The following DHRS7B variants were observed in gnomAD, a reference collection of about 807,000 sequenced individuals.
DHRS7B encodes dehydrogenase/reductase 7B.
In DHRS7B, 24 loss-of-function variants were observed where a neutral mutation model predicts 26.4. The ratio of observed to expected loss-of-function variants is 0.91; its 90% CI spans 0.66 to 1.28. DHRS7B has a LOEUF of 1.28. Ranked by LOEUF, DHRS7B falls within the 50% of genes most tolerant of loss-of-function variation. The probability of loss-of-function intolerance (pLI) is 0.00; values close to 1 mark genes in which losing one functional copy is unlikely to be tolerated. For synonymous variants in DHRS7B, 142 were observed against 166.4 expected (o/e 0.85, Z 1.13); for missense variants, 368 against 419.4 (o/e 0.88, Z 1.07).
At chr17:21,170,029 T>C (rs1304620774) in intron 1 of DHRS7B, among the ~76,000 whole-genome samples, 1 of 152,142 alleles carries the variant, frequency 6.6e-6, no homozygotes, top group African/African-American at 2.4e-5. Flanking sequence ...GGTTGAACTC[T>C]TCCCAAGCCC....
chr17:21,173,744 A>G (rs900138314), intron 2 of DHRS7B, among the ~76,000 whole-genome samples: 2 of 152,234 alleles, frequency 1.3e-5, no homozygotes, highest in African/African-American at 4.8e-5. Flanking sequence ...TGCCATCGTC[A>G]GTCCTCTGAC....
chr17:21,127,223 G>A, intron 1 of DHRS7B: 1 of 500,628 alleles, frequency 2.0e-6, no homozygotes, highest in Non-Finnish European at 3.5e-6. Context: ...CCCGCCTGTC[G>A]CCGAGGTGTC....
At chr17:21,171,765 C>A in intron 1 of DHRS7B, 1 of 606,318 alleles carries the variant, frequency 1.6e-6, no homozygotes. Flanking sequence ...ATGGCAATCT[C>A]CGCTTGTTCC....
At position 21,179,165 on chromosome 17, in the gene DHRS7B, T is replaced by C. The variant is rs28793662; in HGVS notation, c.309+823T>C. Among the ~76,000 whole-genome samples the C allele has an allele frequency of 6.7e-3, 1,013 of 152,278 alleles. 12 individuals carry two copies. The highest frequency in any genetic ancestry group is 0.022 in the African/African-American group (901 of 41,560). ...ACACGGTCTCACTATGTTGCCCAGA[T>C]TGGTCTTGGACTTGTGGCCTCAAGT... is the stretch of plus-strand genomic sequence containing the variant. On this transcript the variant is annotated intron_variant, in intron 3 of 6. Transcript: ENST00000395511.
chr17:21,141,464 A>G (rs368628299), intron 1 of DHRS7B, among the ~76,000 whole-genome samples: 1 of 151,978 alleles, frequency 6.6e-6, no homozygotes, highest in Admixed American at 6.6e-5. Flanking sequence ...AAACACACAC[A>G]CAAAACAGCA....
Position 21,127,023 on chromosome 17 carries a change from T to G in DHRS7B, c.20+32T>G, listed in dbSNP as rs988926049. The G allele has an allele frequency of 2.0e-6, 3 of 1,511,558 alleles. No homozygotes were observed. The African/African-American group carries it at 4.3e-5, about 22-fold the overall frequency. 93.6% of individuals were successfully genotyped at this position (1,511,558 alleles called of 1,614,324 possible). A position where few individuals can be genotyped will look rare whatever the true frequency, so the allele number is the denominator to read the frequency against. ...GCTGGGGAAGAAGGAACCTCCGAGA[T>G]GAGGCGATAGGGTCTGGCCTTGAGC... On this transcript the variant is annotated intron_variant, in intron 1 of 6. Coordinates refer to ENST00000395511, the MANE Select transcript of DHRS7B (RefSeq NM_015510.5).
At chr17:21,141,544 C>T (rs1301805888) in intron 1 of DHRS7B, among the ~76,000 whole-genome samples, 1 of 135,380 alleles carries the variant, frequency 7.4e-6, no homozygotes, top group African/African-American at 2.7e-5. Flanking sequence ...TAACTTTAAC[C>T]AAGACAAACC....
At chr17:21,190,506 A>T (rs1301256002) in intron 6 of DHRS7B, among the ~76,000 whole-genome samples, 3 of 152,110 alleles carry the variant, frequency 2.0e-5, no homozygotes, top group Non-Finnish European at 2.9e-5. Flanking sequence ...AAGATAAATG[A>T]GGTGGCACAA....
intron 2 of DHRS7B, among the ~76,000 whole-genome samples, chr17:21,175,338 G>A (rs889990670): frequency 8.5e-5 from 13 of 152,324 alleles, no homozygotes; most frequent in African/African-American, 2.9e-4. Context: ...AGTACACACC[G>A]CCTGCCCCTC....
At chr17:21,154,318 A>C (rs1252372579) in intron 1 of DHRS7B, among the ~76,000 whole-genome samples, 1 of 152,190 alleles carries the variant, frequency 6.6e-6, no homozygotes, top group Non-Finnish European at 1.5e-5. Flanking sequence ...CTCCAAAAAA[A>C]AAAAAATTAC....
In DHRS7B at chr17:21,172,274, C is replaced by A. The variant is rs773565194; in HGVS notation, c.199+78C>A. 2.6e-4 allele frequency: 389 copies of A among 1,514,736 alleles called. 1 individual carries two copies. The highest frequency in any genetic ancestry group is 3.3e-4 in the Non-Finnish European group (371 of 1,122,776). 93.8% of individuals were successfully genotyped at this position (1,514,736 alleles called of 1,614,324 possible). A position where few individuals can be genotyped will look rare whatever the true frequency, so the allele number is the denominator to read the frequency against. On this transcript the variant is annotated intron_variant, in intron 2 of 6. Transcript: ENST00000395511. ...GAGGAGCGGCCCAGCTGCACAGGGA[C>A]CACCAGCGCAAATGCCCGAAGCGGC...
chr17:21,181,238 A>C (rs1432371297), intron 3 of DHRS7B, among the ~76,000 whole-genome samples: 2 of 152,016 alleles, frequency 1.3e-5, no homozygotes, highest in African/African-American at 4.8e-5. Context: ...GGCACATGCC[A>C]CTGTATTGGG....
intron 1 of DHRS7B, chr17:21,127,973 T>C (rs1405238991): frequency 6.6e-6 from 1 of 152,244 alleles, no homozygotes; most frequent in African/African-American, 2.4e-5. Flanking sequence ...TAATAGTTGA[T>C]ATTTTTTGAG....
At position 21,190,886 on chromosome 17, in the gene DHRS7B, C is replaced by A. The variant is rs1974761928; in HGVS notation, c.773-62C>A. ...CTGACCTGACGACTCACATCAGCTC[C>A]ACTCCTCAAGAGGGACCTCTGCTTC... On this transcript the variant is annotated intron_variant, in intron 6 of 6. Transcript: ENST00000395511. 4.5e-6 allele frequency: 7 copies of A among 1,569,494 alleles called. No individual in the cohort carries two copies. In the Admixed American group the frequency reaches 1.2e-4, roughly 27 times the overall value.
intron 1 of DHRS7B, among the ~76,000 whole-genome samples, chr17:21,131,625 C>T (rs78126069): frequency 2.6e-5 from 4 of 152,158 alleles, no homozygotes; most frequent in Admixed American, 6.5e-5. Context: ...GCCTAACCTG[C>T]GAATGCAGCC....
At chr17:21,166,485 CT>C (rs943300988) in intron 1 of DHRS7B, 275 of 915,802 alleles carry the variant, frequency 3.0e-4, no homozygotes, top group Middle Eastern at 1.1e-3. Flanking sequence ...GGATATTGTT[CT>C]TTTTTTTTTC....
intron 1 of DHRS7B, among the ~76,000 whole-genome samples, chr17:21,169,585 A>C (rs977043763): frequency 2.0e-5 from 3 of 151,970 alleles, no homozygotes; most frequent in Non-Finnish European, 4.4e-5. Flanking sequence ...CATCCTCATG[A>C]CCCCTGCACT....
rs71357469 is a variant in DHRS7B at position 21,141,619 on chromosome 17, C to CAAA, written c.20+14647_20+14649dup. Among the ~76,000 whole-genome samples the CAAA allele has an allele frequency of 8.2e-3, 117 of 14,292 alleles. 1 individual carries two copies. Among genetic ancestry groups the CAAA allele is most frequent in the East Asian group, 0.02 (11 of 552 alleles). 9.4% of individuals were successfully genotyped at this position (14,292 alleles called of 152,430 possible). On this transcript the variant is annotated intron_variant, in intron 1 of 6. Transcript: ENST00000395511. ...AGACTGGTTTCTACCAGCAAGAAAGCAAAAAAAAAAAAAAAAAAAAACAAC... is the reference window on the plus strand; with the variant it reads ...AGACTGGTTTCTACCAGCAAGAAAGCAAAAAAAAAAAAAAAAAAAAAAAACAAC...
At chr17:21,150,077 G>A (rs1482266842) in intron 1 of DHRS7B, among the ~76,000 whole-genome samples, 6 of 137,568 alleles carry the variant, frequency 4.4e-5, no homozygotes, top group Non-Finnish European at 9.1e-5. Flanking sequence ...GACCAGCCTG[G>A]GCAACATAAC....
Sources: gnomAD v4.1 joint callset for allele counts (sites outside exome capture counted in the v4.1 genomes callset) on GRCh38, gnomAD v4.1.1 for gene constraint, MANE v1.5 for transcripts, NCBI Gene and HGNC (gene_info 2026-07-23, HGNC 2026-07-21) for gene names.